Variants in TANC2 observed in about 807,000 individuals in gnomAD.
The protein encoded by TANC2 is tetratricopeptide repeat, ankyrin repeat and coiled-coil containing 2.
A neutral mutation model predicts 210.5 loss-of-function variants in TANC2; 26 were observed. The observed-to-expected ratio is 0.12, with a 90% CI of 0.09 to 0.17. The LOEUF (loss-of-function observed/expected upper bound fraction) is 0.17. TANC2 is among the 10% of genes least tolerant of loss of function. The pLI is 1.00. For synonymous variants in TANC2, 931 were observed against 967.1 expected (o/e 0.96, Z 0.69); for missense variants, 2,129 against 2,608.9 (o/e 0.82, Z 4.01).
At chr17:63,012,201 T>G (rs1156811070) in intron 2 of TANC2, among the ~76,000 whole-genome samples, 2 of 151,848 alleles carry the variant, frequency 1.3e-5, no homozygotes, top group African/African-American at 2.4e-5. Flanking sequence ...TTAAATTTTT[T>G]GTAGAGATGA....
At chr17:63,425,911 A>G (rs564732018) in exon 28 of TANC2, 2 of 152,390 alleles carry the variant, frequency 1.3e-5, no homozygotes, top group African/African-American at 4.8e-5. Flanking sequence ...TTATAACTCC[A>G]GAAGCGTCAC....
chr17:63,407,495 C>T (rs959414538), intron 21 of TANC2, among the ~76,000 whole-genome samples: 1 of 152,290 alleles, frequency 6.6e-6, no homozygotes, highest in Non-Finnish European at 1.5e-5. Context: ...GTAGAGGCTC[C>T]GTAGCCATAG....
At chr17:63,318,751 T>G (rs1347782763) in intron 10 of TANC2, among the ~76,000 whole-genome samples, 2 of 152,212 alleles carry the variant, frequency 1.3e-5, no homozygotes, top group Non-Finnish European at 2.9e-5. Flanking sequence ...TTGGTGGGCA[T>G]TTAGGTTGTT....
At chr17:63,038,135 A>G (rs1414327069) in intron 2 of TANC2, among the ~76,000 whole-genome samples, 1 of 152,158 alleles carries the variant, frequency 6.6e-6, no homozygotes, top group Non-Finnish European at 1.5e-5. Context: ...GCTTTTCACC[A>G]ATAAATATGA....
chr17:63,332,126 A>G (rs1486871081), intron 11 of TANC2: 1 of 350,234 alleles, frequency 2.9e-6, no homozygotes, highest in Non-Finnish European at 5.6e-6. Flanking sequence ...ATTTTTGAGC[A>G]GAAAAATCTT....
intron 3 of TANC2, 84 bp from the exon 4 acceptor site, chr17:63,099,091 T>C (rs2037522383): frequency 7.5e-7 from 1 of 1,330,962 alleles, no homozygotes; most frequent in African/African-American, 1.5e-5. Flanking sequence ...TATTTGTTGT[T>C]CTGGATTATC....
At chr17:63,215,875 G>C (rs984136445) in intron 7 of TANC2, among the ~76,000 whole-genome samples, 8 of 151,808 alleles carry the variant, frequency 5.3e-5, no homozygotes, top group Non-Finnish European at 1.2e-4. Flanking sequence ...TCAGCCTCCC[G>C]AGTAGCTGGG....
chr17:63,322,599 A>G (rs898676153), intron 11 of TANC2, among the ~76,000 whole-genome samples: 1 of 152,260 alleles, frequency 6.6e-6, no homozygotes, highest in African/African-American at 2.4e-5. Context: ...GTTTAGATAT[A>G]CATTTGAAGG....
chr17:63,163,088 T>C (rs111289080), intron 5 of TANC2, among the ~76,000 whole-genome samples: 1 of 151,562 alleles, frequency 6.6e-6, no homozygotes, highest in Non-Finnish European at 1.5e-5. Flanking sequence ...TGGTGATGAC[T>C]GTGAAATCTA....
intron 8 of TANC2, among the ~76,000 whole-genome samples, chr17:63,246,851 T>C (rs1205066555): frequency 6.6e-6 from 1 of 152,186 alleles, no homozygotes; most frequent in African/African-American, 2.4e-5. Flanking sequence ...CTGAATCTTA[T>C]GGTAAGCTTA....
rs141252902 is a variant in TANC2 at position 63,224,801 on chromosome 17, T to TA, written c.770-13012dup. Among the ~76,000 whole-genome samples the TA allele has an allele frequency of 3.6e-3, 554 of 152,226 alleles. 7 individuals carry two copies. Among genetic ancestry groups the TA allele is most frequent in the African/African-American group, 0.013 (545 of 41,526 alleles). ...AGGGAGTGGAGAGAGGTCATGGTAT[T>TA]ATTGGTCTTATGTGGTAGTCCCTTC... is the stretch of plus-strand genomic sequence containing the variant. On this transcript the variant is annotated intron_variant, in intron 7 of 27. Transcript: ENST00000689528.
At chr17:63,212,726 C>G (rs571059845) in intron 7 of TANC2, among the ~76,000 whole-genome samples, 5 of 152,174 alleles carry the variant, frequency 3.3e-5, no homozygotes, top group Non-Finnish European at 7.3e-5. Flanking sequence ...GCCACCGTGC[C>G]CGACCCTCTT....
chr17:62,992,323 T>C (rs2143594930), intron 1 of TANC2, among the ~76,000 whole-genome samples: 1 of 152,334 alleles, frequency 6.6e-6, no homozygotes, highest in East Asian at 1.9e-4. Flanking sequence ...ATAAGATTTA[T>C]GTTTCTGTAT....
intron 2 of TANC2, among the ~76,000 whole-genome samples, chr17:63,022,287 G>C (rs1056173003): frequency 6.7e-6 from 1 of 150,306 alleles, no homozygotes; most frequent in Non-Finnish European, 1.5e-5. Flanking sequence ...GATGCAGTGA[G>C]CCGAGATCAT....
intron 24 of TANC2, 38 bp from the exon 25 acceptor site, chr17:63,413,505 A>G (rs573573836): frequency 4.6e-6 from 7 of 1,518,276 alleles, no homozygotes; most frequent in South Asian, 1.2e-5. Context: ...CTTACATTGT[A>G]TGAGTTTTTT....
At chr17:63,272,202 T>C (rs2043731919) in intron 9 of TANC2, among the ~76,000 whole-genome samples, 1 of 152,178 alleles carries the variant, frequency 6.6e-6, no homozygotes, top group Non-Finnish European at 1.5e-5. Flanking sequence ...GCACCACTTA[T>C]TAAATAGGGA....
intron 3 of TANC2, among the ~76,000 whole-genome samples, chr17:63,075,537 A>AT (rs74826135): frequency 0.073 from 10,813 of 148,206 alleles, 656 homozygotes; most frequent in African/African-American, 0.17. Context: ...AAATATATAT[A>AT]TTTTTTTATA....
At chr17:63,184,696 C>T (rs1188804183) in intron 5 of TANC2, among the ~76,000 whole-genome samples, 1 of 151,104 alleles carries the variant, frequency 6.6e-6, no homozygotes, top group African/African-American at 2.4e-5. Context: ...CTCTGTCGCC[C>T]ATGCTGGAGT....
intron 18 of TANC2, chr17:63,396,868 A>G (rs893105681): frequency 2.6e-5 from 4 of 152,132 alleles, no homozygotes; most frequent in African/African-American, 9.7e-5. Flanking sequence ...TATCCTCACT[A>G]CCAGGTGATG....
Sources: gnomAD v4.1 joint callset for allele counts (sites outside exome capture counted in the v4.1 genomes callset) on GRCh38, gnomAD v4.1.1 for gene constraint, MANE v1.5 for transcripts, NCBI Gene and HGNC (gene_info 2026-07-23, HGNC 2026-07-21) for gene names.